The following PPP3CA variants were observed in gnomAD, a reference collection of about 807,000 sequenced individuals.
The protein encoded by PPP3CA is CAM-PRP catalytic subunit.
A neutral mutation model predicts 66.5 loss-of-function variants in PPP3CA; 14 were observed. The observed-to-expected ratio is 0.21, with a 90% CI of 0.14 to 0.33. The LOEUF (loss-of-function observed/expected upper bound fraction) is 0.33. Among genes scored for constraint, PPP3CA ranks in the 10% least tolerant of loss-of-function variants. PPP3CA has a pLI of 1.00. For synonymous variants in PPP3CA, 232 were observed against 226.2 expected, an observed-to-expected ratio of 1.03 and a Z score of -0.23; for missense variants, 317 against 639.5, an observed-to-expected ratio of 0.50 and a Z score of 5.44.
chr4:101,056,061 C>T (rs538786626), intron 10 of PPP3CA, among the ~76,000 whole-genome samples: 1 of 152,150 alleles, frequency 6.6e-6, no homozygotes, highest in Admixed American at 6.6e-5. Flanking sequence ...AACATTGTAA[C>T]CACATGTGGT....
chr4:101,338,171 C>T (rs72921902), intron 1 of PPP3CA, among the ~76,000 whole-genome samples: 1,759 of 152,262 alleles, frequency 0.012, 25 homozygotes, highest in African/African-American at 0.038. Flanking sequence ...AACCTATACA[C>T]CTTGTGACAA....
intron 1 of PPP3CA, among the ~76,000 whole-genome samples, chr4:101,233,199 T>C (rs1726020519): frequency 6.6e-6 from 1 of 151,770 alleles, no homozygotes; most frequent in Non-Finnish European, 1.5e-5. Context: ...GACACATGAT[T>C]GGAAGAGTGT....
At chr4:101,088,353 A>T (rs990798244) in intron 6 of PPP3CA, among the ~76,000 whole-genome samples, 2 of 152,242 alleles carry the variant, frequency 1.3e-5, no homozygotes, top group South Asian at 2.1e-4. Flanking sequence ...TGGGAGGCCG[A>T]GGCGGGTGGA....
At position 101,093,824 on chromosome 4, in the gene PPP3CA, T is replaced by C; in HGVS notation, c.734A>G (p.Gln245Arg). The part of the protein sequence containing the change: ...PLEDFGNEKT[Q>R]EHFTHNTVRG... ...GACTGTGTTGTGAGTGAAATGTTCC[T>C]GAGTCTTCTCATTTCCAAAATCTTC... Residue 245 changes from glutamine (Q) to arginine (R), a missense_variant, in exon 6 of 14, where the codon CAG becomes CGG. Transcript: ENST00000394854. 6.2e-7 allele frequency: 1 copy of C among 1,613,326 alleles called. No homozygotes were observed. The highest frequency in any genetic ancestry group is 8.5e-7 in the Non-Finnish European group (1 of 1,179,490).
chr4:101,031,779 GAA>G (rs1447109218), intron 12 of PPP3CA, among the ~76,000 whole-genome samples: 1 of 152,096 alleles, frequency 6.6e-6, no homozygotes, highest in East Asian at 1.9e-4. Flanking sequence ...ATAAATCAGA[GAA>G]AAGACACAAA....
intron 11 of PPP3CA, 68 bp downstream of exon 11, chr4:101,040,414 G>A (rs539510750): frequency 1.2e-5 from 13 of 1,079,268 alleles, no homozygotes; most frequent in African/African-American, 6.5e-5. Flanking sequence ...CCAGATGAAA[G>A]TATTAAAGTA....
chr4:101,237,742 G>T (rs10004357), intron 1 of PPP3CA, among the ~76,000 whole-genome samples: 101,797 of 151,868 alleles, frequency 0.67, 35,012 homozygotes, highest in Middle Eastern at 0.76. Flanking sequence ...TGATACTTGG[G>T]GGGCAACTGC....
intron 1 of PPP3CA, among the ~76,000 whole-genome samples, chr4:101,313,115 G>A (rs1728777850): frequency 6.6e-6 from 1 of 151,940 alleles, no homozygotes; most frequent in Non-Finnish European, 1.5e-5. Context: ...GATCCTATGG[G>A]TAGGACTGTA....
At chr4:101,085,346 C>T (rs1433003915) in intron 6 of PPP3CA, among the ~76,000 whole-genome samples, 1 of 152,094 alleles carries the variant, frequency 6.6e-6, no homozygotes, top group Non-Finnish European at 1.5e-5. Flanking sequence ...TTCTTATTTG[C>T]CCTTTTGGAA....
intron 1 of PPP3CA, among the ~76,000 whole-genome samples, chr4:101,328,179 G>A (rs186383731): frequency 5.3e-5 from 8 of 152,250 alleles, no homozygotes; most frequent in African/African-American, 1.7e-4. Flanking sequence ...CCTATGACCT[G>A]CAACTACCTC....
Position 101,230,170 on chromosome 4 carries a change from T to C in PPP3CA, c.59-34054A>G, listed in dbSNP as rs1256673781. 2.0e-5 allele frequency among the ~76,000 whole-genome samples: 3 copies of C among 151,802 alleles called. No individual in the cohort carries two copies. In the East Asian group the frequency reaches 5.8e-4, roughly 30 times the overall value. On this transcript the variant is annotated intron_variant, in intron 1 of 13. Transcript: ENST00000394854. ...ATAATTCATAAACCTTAAGTTCTAA[T>C]ATTTAGAAGCATTTAGTCATACGTC...
chr4:101,335,692 T>C (rs1173540177), intron 1 of PPP3CA, among the ~76,000 whole-genome samples: 1 of 151,992 alleles, frequency 6.6e-6, no homozygotes, highest in African/African-American at 2.4e-5. Flanking sequence ...CCAAAGGGTA[T>C]CTCGGGATGC....
At chr4:101,061,206 T>C (rs764796653) in intron 9 of PPP3CA, 45 bp from the exon 10 acceptor site, 2 of 1,491,940 alleles carry the variant, frequency 1.3e-6, no homozygotes, top group Non-Finnish European at 1.9e-6. Context: ...TTTTCTGTTA[T>C]AACCTTAACT....
At chr4:101,080,456 C>G in intron 8 of PPP3CA, 76 bp downstream of exon 8, 1 of 812,660 alleles carries the variant, frequency 1.2e-6, no homozygotes, top group Non-Finnish European at 1.7e-6. Flanking sequence ...ATACTTAAGA[C>G]CAAACCAAAA....
intron 11 of PPP3CA, among the ~76,000 whole-genome samples, chr4:101,032,710 T>C (rs905517175): frequency 2.6e-5 from 4 of 152,078 alleles, no homozygotes; most frequent in African/African-American, 7.2e-5. Context: ...AAGTGAGCCA[T>C]AGAGAATGCT....
rs1724259252 is a variant in PPP3CA at position 101,182,296 on chromosome 4, G to A, written c.259+13620C>T. Among the ~76,000 whole-genome samples, 3 of 152,134 alleles carry A rather than the reference G, an allele frequency of 2.0e-5. No individual in the cohort carries two copies. In the South Asian group the frequency reaches 6.2e-4, roughly 32 times the overall value. On this transcript the variant is annotated intron_variant, in intron 2 of 13. Coordinates refer to ENST00000394854, the MANE Select transcript of PPP3CA (RefSeq NM_000944.5). ...CAAGGAATTTTCAGGATAGCTGGGA[G>A]AGAGAAGATACTACCTAATAAACAT... is the stretch of plus-strand genomic sequence containing the variant.
rs70961774 is a variant in PPP3CA at position 101,106,453 on chromosome 4, G to GAGAAAAGAAA, written c.384+2491_384+2500dup. ...AGAAAGAAAGAAAGAAAGAAAGAAA[G>GAGAAAAGAAA]AGAAAAGAAAAGAAAAGAAAAGAAA... On this transcript the variant is annotated intron_variant, in intron 3 of 13. Transcript: ENST00000394854. Among the ~76,000 whole-genome samples, 48 of 35,508 alleles carry GAGAAAAGAAA rather than the reference G, an allele frequency of 1.4e-3. 4 individuals are homozygous for GAGAAAAGAAA. The highest frequency in any genetic ancestry group is 1.1e-3 in the Non-Finnish European group (20 of 19,010). The allele number at this position is 35,508 out of a possible 152,430, so 23.3% of individuals were successfully genotyped here. A position where few individuals can be genotyped will look rare whatever the true frequency, so the allele number is the denominator to read the frequency against.
chr4:101,049,998 G>A (rs771503289), intron 10 of PPP3CA, among the ~76,000 whole-genome samples: 29 of 151,970 alleles, frequency 1.9e-4, no homozygotes, highest in Admixed American at 1.2e-3. Context: ...TTGTTACTTC[G>A]TGGGAGATGT....
At chr4:101,305,974 G>A (rs1418433642) in intron 1 of PPP3CA, among the ~76,000 whole-genome samples, 4 of 151,958 alleles carry the variant, frequency 2.6e-5, no homozygotes, top group Non-Finnish European at 5.9e-5. Context: ...CAGTGAAGTA[G>A]GAGATTTTTT....
Sources: allele counts gnomAD v4.1 joint callset (sites outside exome capture counted in the v4.1 genomes callset), GRCh38; gene constraint gnomAD v4.1.1; transcripts MANE v1.5; gene names NCBI Gene and HGNC (gene_info 2026-07-23, HGNC 2026-07-21).